The following DDX60L variants were observed in gnomAD, a reference collection of about 807,000 sequenced individuals.
The protein encoded by DDX60L is probable ATP-dependent RNA helicase DDX60-like.
In DDX60L, 191 loss-of-function variants were observed where a neutral mutation model predicts 211.6. That is an observed-to-expected ratio of 0.90 (90% confidence interval 0.80 to 1.02). The LOEUF (loss-of-function observed/expected upper bound fraction) is 1.02. Among genes scored for constraint, DDX60L ranks in the 50% least tolerant of loss-of-function variants. The probability of loss-of-function intolerance (pLI) is 0.00; values close to 1 mark genes in which losing one functional copy is unlikely to be tolerated. For missense variants in DDX60L, 2,007 were observed against 1,984.1 expected (o/e 1.01, Z -0.22); for synonymous variants, 706 against 694.1 (o/e 1.02, Z -0.27).
chr4:168,449,129 C>T (rs1755273740), intron 8 of DDX60L, among the ~76,000 whole-genome samples: 1 of 152,118 alleles, frequency 6.6e-6, no homozygotes, highest in Non-Finnish European at 1.5e-5. Flanking sequence ...CAGTTGCAAA[C>T]TGGTTCCATT....
intron 18 of DDX60L, 73 bp downstream of exon 18, chr4:168,420,188 G>T: frequency 8.0e-7 from 1 of 1,249,614 alleles, no homozygotes; most frequent in Non-Finnish European, 1.1e-6. Context: ...GTGTTTTGCA[G>T]ATTCCCAGCA....
intron 17 of DDX60L, among the ~76,000 whole-genome samples, 163 bp downstream of exon 17, chr4:168,421,597 G>A (rs1025562049): frequency 6.6e-6 from 1 of 152,216 alleles, no homozygotes; most frequent in Non-Finnish European, 1.5e-5. Flanking sequence ...GGAGGTTGCA[G>A]TGAGCCGAGA....
At chr4:168,404,581 G>A (rs528422287) in intron 24 of DDX60L, among the ~76,000 whole-genome samples, 1 of 152,172 alleles carries the variant, frequency 6.6e-6, no homozygotes, top group South Asian at 2.1e-4. Context: ...TGTTTATAAT[G>A]CTTAACTGAA....
At chr4:168,471,182 T>A (rs1335684502) in intron 4 of DDX60L, among the ~76,000 whole-genome samples, 1 of 152,246 alleles carries the variant, frequency 6.6e-6, no homozygotes, top group Non-Finnish European at 1.5e-5. Context: ...TATGATGAAG[T>A]GTTTCAGAGT....
intron 22 of DDX60L, among the ~76,000 whole-genome samples, chr4:168,411,184 T>G (rs773782777): frequency 1.1e-4 from 17 of 152,212 alleles, no homozygotes; most frequent in Non-Finnish European, 2.1e-4. Flanking sequence ...AGAAGCCTCC[T>G]GTGAGAATCA....
In DDX60L at chr4:168,419,687, C is replaced by T. The variant is rs78025041; in HGVS notation, c.2515-290G>A. Among the ~76,000 whole-genome samples the T allele has an allele frequency of 8.5e-3, 1,299 of 152,238 alleles. 15 individuals are homozygous for T. Among genetic ancestry groups the T allele is most frequent in the African/African-American group, 0.028 (1,170 of 41,556 alleles). On this transcript the variant is annotated intron_variant, in intron 18 of 37. Coordinates refer to ENST00000682922, the MANE Select transcript of DDX60L (RefSeq NM_001012967.3). The stretch of plus-strand genomic sequence containing the variant: ...CTATCTTAATCTATGATTTACCTAT[C>T]GACGGGTCCACTATCAACACACAAT...
At position 168,371,705 on chromosome 4, in the gene DDX60L, T is replaced by C. The variant is rs1741053657; in HGVS notation, c.4835A>G (p.Lys1612Arg). 6.2e-7 allele frequency: 1 copy of C among 1,612,534 alleles called. No individual in the cohort carries two copies. Among genetic ancestry groups the C allele is most frequent in the East Asian group, 2.2e-5 (1 of 44,852 alleles). Residue 1612 changes from lysine (K) to arginine (R), a missense_variant, in exon 36 of 38, where the codon AAA (lysine) becomes AGA (arginine). Lys to Arg is a conservative substitution (Grantham distance 26, BLOSUM62 2). Coordinates refer to ENST00000682922, the MANE Select transcript of DDX60L (RefSeq NM_001012967.3). ...CATTCTCCTTCCTCGGTTATCTAAT[T>C]TCCATGGCCACAGCAGAGGAGCCTG... ...GTQAPLLWPWKLDNRGRRMPL... is the reference protein window; with the variant it reads ...GTQAPLLWPWRLDNRGRRMPL...
At chr4:168,394,797 A>G (rs554280978) in intron 27 of DDX60L, among the ~76,000 whole-genome samples, 180 bp from the exon 28 acceptor site, 4 of 152,332 alleles carry the variant, frequency 2.6e-5, no homozygotes, top group African/African-American at 7.2e-5. Flanking sequence ...ATTTTTGTGA[A>G]CAGACTCTCT....
At chr4:168,379,633 A>C in intron 31 of DDX60L, 93 bp downstream of exon 31, 4 of 1,216,290 alleles carry the variant, frequency 3.3e-6, no homozygotes, top group Non-Finnish European at 4.6e-6. Context: ...ATTATCATTG[A>C]ATGCAGATTA....
chr4:168,390,208 T>G, intron 29 of DDX60L: 23 of 1,024,130 alleles, frequency 2.2e-5, no homozygotes, highest in Non-Finnish European at 2.7e-5. Flanking sequence ...ATAAATGATG[T>G]TGGATTTCTT....
chr4:168,434,640 G>A (rs1001987887), intron 10 of DDX60L, among the ~76,000 whole-genome samples: 8 of 152,146 alleles, frequency 5.3e-5, no homozygotes, highest in African/African-American at 7.2e-5. Flanking sequence ...CATAATGGAC[G>A]GCAAAGTCAA....
rs763443099 is a variant in DDX60L at position 168,371,720 on chromosome 4, A to AG, written c.4819dup (p.Leu1607ProfsTer9). 6.2e-7 allele frequency: 1 copy of AG among 1,611,778 alleles called. No individual in the cohort carries two copies. The highest frequency in any genetic ancestry group is 1.1e-5 in the South Asian group (1 of 90,812). The stretch of plus-strand genomic sequence containing the variant: ...GTTATCTAATTTCCATGGCCACAGC[A>AG]GAGGAGCCTGAGTGCCACTAACACC... On this transcript the variant is annotated frameshift_variant, in exon 36 of 38. Transcript: ENST00000682922. LOFTEE classifies it high-confidence loss of function.
chr4:168,423,553 T>C (rs1450898359), intron 15 of DDX60L, 55 bp downstream of exon 15: 5 of 1,315,028 alleles, frequency 3.8e-6, no homozygotes, highest in Admixed American at 2.8e-5. Flanking sequence ...TTAGTTATTC[T>C]TCCATATTAA....
At chr4:168,415,934 G>A (rs985110505) in intron 20 of DDX60L, 135 bp from the exon 21 acceptor site, 9 of 767,730 alleles carry the variant, frequency 1.2e-5, no homozygotes, top group Non-Finnish European at 1.5e-5. Flanking sequence ...CACCTGAGTT[G>A]ACTTCAGAGC....
intron 4 of DDX60L, among the ~76,000 whole-genome samples, chr4:168,467,925 G>A (rs1458890684): frequency 6.6e-6 from 1 of 152,116 alleles, no homozygotes; most frequent in Non-Finnish European, 1.5e-5. Flanking sequence ...TCAGCACTTT[G>A]GGAGGCTGAA....
intron 30 of DDX60L, among the ~76,000 whole-genome samples, chr4:168,384,122 C>G (rs1743437945): frequency 6.6e-6 from 1 of 152,182 alleles, no homozygotes; most frequent in East Asian, 1.9e-4. Flanking sequence ...CTCAGACTGG[C>G]TTCCTTGCTC....
chr4:168,458,062 G>T, intron 5 of DDX60L, 54 bp from the exon 6 acceptor site: 1 of 1,102,618 alleles, frequency 9.1e-7, no homozygotes, highest in Non-Finnish European at 1.3e-6. Flanking sequence ...TTTCCCAGCT[G>T]TAAAATATGA....
intron 9 of DDX60L, among the ~76,000 whole-genome samples, chr4:168,446,431 A>G (rs1348536002): frequency 1.3e-5 from 2 of 152,250 alleles, no homozygotes; most frequent in Admixed American, 6.5e-5. Flanking sequence ...GGAAGAATCA[A>G]TATTGTGAAA....
intron 29 of DDX60L, among the ~76,000 whole-genome samples, 160 bp from the exon 30 acceptor site, chr4:168,384,972 T>C (rs922990523): frequency 2.6e-5 from 4 of 152,196 alleles, no homozygotes; most frequent in African/African-American, 9.6e-5. Context: ...AAATACAGTG[T>C]GGCTGGGCAA....
Sources: gnomAD v4.1 joint callset for allele counts (sites outside exome capture counted in the v4.1 genomes callset) on GRCh38, gnomAD v4.1.1 for gene constraint, MANE v1.5 for transcripts, NCBI Gene and HGNC (gene_info 2026-07-23, HGNC 2026-07-21) for gene names.